DPP6: variants seen among roughly 807,000 people sequenced by gnomAD.
DPP6 encodes dipeptidyl peptidase like 6, also known as A-type potassium channel modulatory protein DPP6.
DPP6 carries 69 observed loss-of-function variants against 122.6 expected under a neutral mutation model. That is an observed-to-expected ratio of 0.56 (90% CI 0.46 to 0.69). DPP6 has a LOEUF of 0.69. Ranked by LOEUF, DPP6 falls within the 30% of genes least tolerant of loss-of-function variation. The probability of loss-of-function intolerance (pLI) is 0.00; values close to 1 mark genes in which losing one functional copy is unlikely to be tolerated. For missense variants in DPP6, 928 were observed against 1,116.9 expected (o/e 0.83, Z 2.41); for synonymous variants, 418 against 433.1 (o/e 0.97, Z 0.43).
chr7:154,481,975 G>C lies in DPP6; in HGVS notation c.457+6938G>C, dbSNP rs1823344202. Among the ~76,000 whole-genome samples, 1 of 152,208 alleles carries C rather than the reference G, an allele frequency of 6.6e-6. No individual in the cohort carries two copies. The highest frequency in any genetic ancestry group is 1.9e-4 in the East Asian group (1 of 5,198). On this transcript the variant is annotated intron_variant, in intron 3 of 25. Transcript: ENST00000377770. This position sits in a 1 kb window ranked among gnomAD's most constrained non-coding sequence, Gnocchi z 4.2. ...TCCCCAGTTTGTGGCCGTCCACGAA[G>C]ACTTCTTGGGCATTTTCTCATTTGA...
the DPP6 span, among the ~76,000 whole-genome samples, chr7:153,848,015 C>G: frequency 6.6e-6 from 1 of 152,128 alleles, no homozygotes; most frequent in African/African-American, 2.4e-5. Context: ...TTGCCAGGCC[C>G]AACCCGCAGA....
Position 154,440,060 on chromosome 7 carries a change from T to G in DPP6, c.244-6154T>G, listed in dbSNP as rs373445119. Reference sequence around the variant, plus strand: ...GATGTACCGGAAACATTGGCTCCTCTGCTTCCACTAAGATGATGATGATGA... The same window carrying G: ...GATGTACCGGAAACATTGGCTCCTCGGCTTCCACTAAGATGATGATGATGA... On this transcript the variant is annotated intron_variant, in intron 1 of 25. Transcript: ENST00000377770. Among the ~76,000 whole-genome samples the G allele has an allele frequency of 1.9e-4, 29 of 152,318 alleles. No individual in the cohort carries two copies. The East Asian group carries it at 5.2e-3, about 27-fold the overall frequency.
At chr7:154,750,552 G>A (rs1055354370) in intron 8 of DPP6, among the ~76,000 whole-genome samples, 3 of 152,218 alleles carry the variant, frequency 2.0e-5, no homozygotes, top group Non-Finnish European at 4.4e-5. Context: ...CGATGCTCAC[G>A]GAGAGTGGGA....
chr7:154,466,493 C>T (rs765236107), intron 2 of DPP6, among the ~76,000 whole-genome samples: 1 of 152,188 alleles, frequency 6.6e-6, no homozygotes, highest in East Asian at 1.9e-4. Flanking sequence ...TGTATCCTCT[C>T]CCTGCTTTTT....
In DPP6 at chr7:154,644,190, T is replaced by G. The variant is rs187895129; in HGVS notation, c.680+6317T>G. Among the ~76,000 whole-genome samples the G allele has an allele frequency of 3.7e-4, 57 of 152,350 alleles. 2 individuals carry two copies. The East Asian group carries it at 0.01, about 28-fold the overall frequency. ...GAAAACAGTAGGCGCAGATTAGTTT[T>G]GTGCTTATGTATAGCATACACTGAA... On this transcript the variant is annotated intron_variant, in intron 6 of 25. Transcript: ENST00000377770.
At chr7:154,267,587 A>T (rs147026583) in intron 1 of DPP6, among the ~76,000 whole-genome samples, 2,800 of 151,174 alleles carry the variant, frequency 0.019, 98 homozygotes, top group African/African-American at 0.064. Context: ...ATATGTGCAC[A>T]TACATATATA....
chr7:153,824,383 T>C, the DPP6 span, among the ~76,000 whole-genome samples: 1 of 44,340 alleles, frequency 2.3e-5, no homozygotes, highest in Non-Finnish European at 4.6e-5. Flanking sequence ...GGAGAGTCTG[T>C]CTCAAAAAAA....
At chr7:154,101,347 T>C (rs57286155) in intron 1 of DPP6, among the ~76,000 whole-genome samples, 21,477 of 145,004 alleles carry the variant, frequency 0.15, 2,573 homozygotes, top group African/African-American at 0.32. Context: ...TCAGTAAATA[T>C]CTGTGATTTC....
At chr7:154,237,502 C>T (rs1166407547) in intron 1 of DPP6, among the ~76,000 whole-genome samples, 1 of 152,174 alleles carries the variant, frequency 6.6e-6, no homozygotes, top group Non-Finnish European at 1.5e-5. Flanking sequence ...ACTAAGTGAA[C>T]AGCAGATCCT....
At chr7:154,808,679 A>G (rs1303803619) in intron 16 of DPP6, among the ~76,000 whole-genome samples, 1 of 152,080 alleles carries the variant, frequency 6.6e-6, no homozygotes, top group Non-Finnish European at 1.5e-5. Context: ...CTAGGGCGGG[A>G]TCTTCTTGAA....
At chr7:154,239,450 A>G (rs551063531) in intron 1 of DPP6, among the ~76,000 whole-genome samples, 2 of 152,258 alleles carry the variant, frequency 1.3e-5, no homozygotes, top group East Asian at 3.9e-4. Context: ...GAGGAGGATA[A>G]AGATCTTTAT....
chr7:154,764,282 A>G (rs923101075), intron 8 of DPP6, among the ~76,000 whole-genome samples: 1 of 151,982 alleles, frequency 6.6e-6, no homozygotes, highest in East Asian at 1.9e-4. Context: ...TATACTAAGG[A>G]CCTCAAGAAT....
chr7:154,823,985 C>A (rs7792284), intron 16 of DPP6, among the ~76,000 whole-genome samples: 120,976 of 152,170 alleles, frequency 0.8, 48,234 homozygotes, highest in Non-Finnish European at 0.83. Flanking sequence ...GTCAAAATTT[C>A]TATTTGCAAA....
chr7:154,271,189 A>G (rs935649083), intron 1 of DPP6, among the ~76,000 whole-genome samples: 5 of 152,172 alleles, frequency 3.3e-5, no homozygotes, highest in African/African-American at 9.7e-5. Context: ...TAAACTGACT[A>G]TTGTCCATTT....
chr7:154,046,899 T>C (rs964840630), intron 1 of DPP6, among the ~76,000 whole-genome samples: 24 of 152,136 alleles, frequency 1.6e-4, no homozygotes, highest in African/African-American at 5.8e-4. Flanking sequence ...GCAGTAATTT[T>C]TAGTGAAGTC....
chr7:154,612,468 C>G (rs1289644179), intron 5 of DPP6, among the ~76,000 whole-genome samples: 2 of 150,282 alleles, frequency 1.3e-5, no homozygotes, highest in African/African-American at 4.9e-5. Context: ...TCCACCCAAG[C>G]TGTTCATGTA....
In DPP6 at chr7:154,184,501, A is replaced by T. The variant is rs994207426; in HGVS notation, c.243+131438A>T. 3.3e-5 allele frequency among the ~76,000 whole-genome samples: 5 copies of T among 152,110 alleles called. No homozygotes were observed. The East Asian group carries it at 9.7e-4, about 29-fold the overall frequency. On this transcript the variant is annotated intron_variant, in intron 1 of 25. Coordinates refer to ENST00000377770, the MANE Select transcript of DPP6 (RefSeq NM_130797.4). ...CCCTGGGCATCACGTTGCTTCCGAC[A>T]CTGGTCTGTGTGAGTCCCACAGACG...
intron 1 of DPP6, among the ~76,000 whole-genome samples, chr7:153,890,949 C>T (rs1342825266): frequency 4.7e-5 from 7 of 148,900 alleles, no homozygotes; most frequent in Admixed American, 1.3e-4. Flanking sequence ...CTGCCTGTCT[C>T]GGCCTCCCAA....
At chr7:154,768,600 T>G (rs556409444) in intron 8 of DPP6, among the ~76,000 whole-genome samples, 1 of 152,146 alleles carries the variant, frequency 6.6e-6, no homozygotes, top group Non-Finnish European at 1.5e-5. Flanking sequence ...CCTTGGGAAG[T>G]GTATTCTCCC....
Sources: gnomAD v4.1 joint callset for allele counts (sites outside exome capture counted in the v4.1 genomes callset) on GRCh38, gnomAD v4.1.1 for gene constraint, Gnocchi (gnomAD v3.1) non-coding constraint, MANE v1.5 for transcripts, NCBI Gene and HGNC (gene_info 2026-07-23, HGNC 2026-07-21) for gene names.